Variants in SUCLG2 observed in about 807,000 individuals in gnomAD.
SUCLG2 encodes succinate-CoA ligase GDP-forming subunit beta.
In SUCLG2, 42 loss-of-function variants were observed where a neutral mutation model predicts 47.9. The observed-to-expected ratio is 0.88, with a 90% CI of 0.69 to 1.14. The LOEUF (loss-of-function observed/expected upper bound fraction) is 1.14, where lower values mean the gene tolerates loss of function less well. Ranked by LOEUF, SUCLG2 falls within the 50% of genes most tolerant of loss-of-function variation. SUCLG2 has a pLI of 0.00. For synonymous variants in SUCLG2, 195 were observed against 197.3 expected, an observed-to-expected ratio of 0.99 and a Z score of 0.10; for missense variants, 571 against 525.9, an observed-to-expected ratio of 1.09 and a Z score of -0.84.
intron 2 of SUCLG2, among the ~76,000 whole-genome samples, chr3:67,581,350 G>A (rs1262979574): frequency 6.6e-6 from 1 of 152,164 alleles, no homozygotes; most frequent in African/African-American, 2.4e-5. Flanking sequence ...ACATGTCTAT[G>A]GTCAACATAA....
At chr3:67,381,580 TG>T (rs1195134612) in intron 10 of SUCLG2, among the ~76,000 whole-genome samples, 1 of 152,202 alleles carries the variant, frequency 6.6e-6, no homozygotes, top group Non-Finnish European at 1.5e-5. Context: ...AATGCTACAT[TG>T]CTTTTTAATG....
chr3:67,370,858 G>A (rs1243578879), downstream of SUCLG2, among the ~76,000 whole-genome samples: 1 of 152,184 alleles, frequency 6.6e-6, no homozygotes, highest in African/African-American at 2.4e-5. Flanking sequence ...TGTGCTGTAT[G>A]TGATTCCTAA....
chr3:67,496,541 C>A (rs1208501833), intron 8 of SUCLG2, among the ~76,000 whole-genome samples: 2 of 152,082 alleles, frequency 1.3e-5, no homozygotes, highest in East Asian at 3.8e-4. Context: ...AACTTAGAAA[C>A]AAATGAACAA....
intron 1 of SUCLG2, among the ~76,000 whole-genome samples, chr3:67,628,401 C>A (rs1700871850): frequency 1.3e-5 from 2 of 152,278 alleles, no homozygotes; most frequent in South Asian, 4.1e-4. Flanking sequence ...TTTTGATACA[C>A]TATTTGGGAT....
chr3:67,404,590 C>T (rs528731203), intron 9 of SUCLG2, among the ~76,000 whole-genome samples: 13 of 152,170 alleles, frequency 8.5e-5, no homozygotes, highest in African/African-American at 3.1e-4. Flanking sequence ...CACCACAGCA[C>T]CCTAAGAGGA....
At chr3:67,550,964 T>C (rs1028601491) in intron 2 of SUCLG2, among the ~76,000 whole-genome samples, 1 of 152,236 alleles carries the variant, frequency 6.6e-6, no homozygotes, top group Non-Finnish European at 1.5e-5. Flanking sequence ...ACTTGGTGTA[T>C]ACTGGCTTAT....
intron 8 of SUCLG2, among the ~76,000 whole-genome samples, chr3:67,496,806 A>C (rs1177360209): frequency 2.6e-5 from 4 of 152,160 alleles, no homozygotes; most frequent in Non-Finnish European, 5.9e-5. Flanking sequence ...AGAGAAAAAA[A>C]AAACTCCAGA....
intron 2 of SUCLG2, among the ~76,000 whole-genome samples, chr3:67,566,243 A>G (rs1341601770): frequency 1.3e-5 from 2 of 152,214 alleles, no homozygotes; most frequent in African/African-American, 4.8e-5. Context: ...TCAGGTTGCA[A>G]ATTTGCAGTG....
At chr3:67,647,334 C>T (rs1426777743) in intron 1 of SUCLG2, among the ~76,000 whole-genome samples, 5 of 152,250 alleles carry the variant, frequency 3.3e-5, no homozygotes, top group Admixed American at 3.3e-4. Context: ...TGCCTAAGTC[C>T]TATTCTTTTG....
chr3:67,453,325 T>C (rs2106940771), intron 9 of SUCLG2, among the ~76,000 whole-genome samples: 1 of 152,274 alleles, frequency 6.6e-6, no homozygotes, highest in Admixed American at 6.5e-5. Context: ...TTTCTCACAG[T>C]TCTGGAGTCT....
intron 1 of SUCLG2, among the ~76,000 whole-genome samples, chr3:67,629,383 A>G (rs781598431): frequency 1.5e-4 from 23 of 152,348 alleles, no homozygotes; most frequent in South Asian, 1.0e-3. Flanking sequence ...CTCAGGTTCA[A>G]TAAGTCACTA....
At position 67,641,877 on chromosome 3, in the gene SUCLG2, T is replaced by C. The variant is rs146869491; in HGVS notation, c.84+12626A>G. Among the ~76,000 whole-genome samples, 16 of 152,308 alleles carry C rather than the reference T, an allele frequency of 1.1e-4. No individual in the cohort carries two copies. The East Asian group carries it at 3.1e-3, about 29-fold the overall frequency. On this transcript the variant is annotated intron_variant, in intron 1 of 10. Coordinates refer to ENST00000307227, the MANE Select transcript of SUCLG2 (RefSeq NM_003848.4). ...TCTGGTCCATGCCTCTCTCCTAGCT[T>C]CCAGTGGTTCACAGGCAATCTTTGG...
chr3:67,486,497 T>C (rs1282967402), intron 9 of SUCLG2, among the ~76,000 whole-genome samples: 1 of 152,214 alleles, frequency 6.6e-6, no homozygotes, highest in Non-Finnish European at 1.5e-5. Context: ...TTTATGAGCC[T>C]CTAGTCACAA....
rs952426007 is a variant in SUCLG2 at position 67,478,751 on chromosome 3, A to G, written c.1062+17047T>C. Among the ~76,000 whole-genome samples, 7 of 152,238 alleles carry G rather than the reference A, an allele frequency of 4.6e-5. No individual in the cohort carries two copies. The East Asian group carries it at 1.3e-3, about 29-fold the overall frequency. Reference sequence around the variant, plus strand: ...AGTGGGAGGTTGCAACTGCTATTCCATTCAAAGTACACGAGTTCCTGAGAC... The same window carrying G: ...AGTGGGAGGTTGCAACTGCTATTCCGTTCAAAGTACACGAGTTCCTGAGAC... On this transcript the variant is annotated intron_variant, in intron 9 of 10. Coordinates refer to ENST00000307227, the MANE Select transcript of SUCLG2 (RefSeq NM_003848.4).
At chr3:67,593,517 C>T (rs1314539094) in intron 2 of SUCLG2, among the ~76,000 whole-genome samples, 2 of 152,202 alleles carry the variant, frequency 1.3e-5, no homozygotes, top group Non-Finnish European at 2.9e-5. Context: ...CCATCCAAAA[C>T]ACATCTCAAA....
chr3:67,536,772 A>G (rs918421482), intron 2 of SUCLG2, among the ~76,000 whole-genome samples: 6 of 152,190 alleles, frequency 3.9e-5, no homozygotes, highest in Admixed American at 3.3e-4. Flanking sequence ...TGAAAAATGC[A>G]CAACAGTTAA....
At chr3:67,568,827 C>CA (rs1707537588) in intron 2 of SUCLG2, among the ~76,000 whole-genome samples, 2 of 152,104 alleles carry the variant, frequency 1.3e-5, no homozygotes, top group Admixed American at 1.3e-4. Context: ...GCGGAGCTTG[C>CA]AGTGAGCCGA....
chr3:67,642,580 A>C lies in SUCLG2; in HGVS notation c.84+11923T>G, dbSNP rs192544581. 3.6e-3 allele frequency among the ~76,000 whole-genome samples: 548 copies of C among 152,284 alleles called. 1 individual carries two copies. The highest frequency in any genetic ancestry group is 0.012 in the African/African-American group (497 of 41,546). On this transcript the variant is annotated intron_variant, in intron 1 of 10. Transcript: ENST00000307227. ...AGCTGTTATACGATCTTGCCACTGC[A>C]CTCCAGCCTGGATGACACAACAAGA...
In SUCLG2 at chr3:67,525,746, T is replaced by TA. The variant is rs575054299; in HGVS notation, c.417+2385dup. On this transcript the variant is annotated intron_variant, in intron 4 of 10. Coordinates refer to ENST00000307227, the MANE Select transcript of SUCLG2 (RefSeq NM_003848.4). ...CGTAAAGAGGACTTAGACCTGATAC[T>TA]AAAAAGGTATAATCCATAAAGGAAA... 4.0e-3 allele frequency among the ~76,000 whole-genome samples: 612 copies of TA among 152,268 alleles called. 3 individuals are homozygous for TA. The highest frequency in any genetic ancestry group is 0.014 in the African/African-American group (576 of 41,550).
Sources: allele counts gnomAD v4.1 joint callset (sites outside exome capture counted in the v4.1 genomes callset), GRCh38; gene constraint gnomAD v4.1.1; transcripts MANE v1.5; gene names NCBI Gene and HGNC (gene_info 2026-07-23, HGNC 2026-07-21).